The following CAMTA1 variants were observed in gnomAD, a reference collection of about 807,000 sequenced individuals.
The protein encoded by CAMTA1 is calmodulin-binding transcription activator 1.
In CAMTA1, 27 loss-of-function variants were observed where a neutral mutation model predicts 170.9. That is an observed-to-expected ratio of 0.16 (90% CI 0.12 to 0.22). CAMTA1 has a LOEUF of 0.22. Among genes scored for constraint, CAMTA1 ranks in the 10% least tolerant of loss-of-function variants. CAMTA1 has a pLI of 1.00. For missense variants in CAMTA1, 1,619 were observed against 2,217.2 expected, an observed-to-expected ratio of 0.73 and a Z score of 5.42; for synonymous variants, 833 against 891.5, an observed-to-expected ratio of 0.93 and a Z score of 1.17.
chr1:7,292,857 G>C (rs953210851), intron 5 of CAMTA1, among the ~76,000 whole-genome samples: 5 of 152,126 alleles, frequency 3.3e-5, no homozygotes, highest in Non-Finnish European at 7.4e-5. Context: ...CCCATGCCAC[G>C]TGTTTCCTGC....
chr1:6,946,984 T>C (rs991513002), intron 3 of CAMTA1, among the ~76,000 whole-genome samples: 9 of 152,064 alleles, frequency 5.9e-5, no homozygotes, highest in Non-Finnish European at 1.3e-4. Context: ...AGTTAATTTT[T>C]GTATACAGTG....
intron 22 of CAMTA1, among the ~76,000 whole-genome samples, chr1:7,759,270 G>T (rs566436541): frequency 2.6e-5 from 4 of 152,204 alleles, no homozygotes; most frequent in Non-Finnish European, 4.4e-5. Flanking sequence ...AGCAGGGGGA[G>T]ATCTAAAAAG....
intron 6 of CAMTA1, among the ~76,000 whole-genome samples, chr1:7,543,475 A>G (rs1198540254): frequency 1.3e-5 from 2 of 152,280 alleles, no homozygotes; most frequent in East Asian, 1.9e-4. Context: ...TAGTATATCG[A>G]CTTTGGAAAC....
intron 4 of CAMTA1, among the ~76,000 whole-genome samples, chr1:7,133,059 A>G (rs1187241587): frequency 6.6e-6 from 1 of 152,112 alleles, no homozygotes. Flanking sequence ...CTTTCCTTAT[A>G]ACATCTTAGT....
intron 3 of CAMTA1, among the ~76,000 whole-genome samples, chr1:6,885,223 A>G (rs1404376838): frequency 6.6e-6 from 1 of 152,174 alleles, no homozygotes; most frequent in Non-Finnish European, 1.5e-5. Context: ...ATTTTATGAT[A>G]CCTCTTGTAA....
chr1:7,047,152 G>A (rs536542056), intron 3 of CAMTA1, among the ~76,000 whole-genome samples: 1 of 152,292 alleles, frequency 6.6e-6, no homozygotes, highest in Admixed American at 6.5e-5. Context: ...GTGACTACAT[G>A]GAGTGGAGTC....
intron 5 of CAMTA1, among the ~76,000 whole-genome samples, chr1:7,448,879 G>A (rs115859919): frequency 4.3e-4 from 65 of 152,350 alleles, no homozygotes; most frequent in African/African-American, 1.5e-3. Flanking sequence ...GACATTGCAG[G>A]CCCCTCTGTG....
chr1:7,148,523 C>T (rs1646378390), intron 4 of CAMTA1, among the ~76,000 whole-genome samples: 3 of 152,292 alleles, frequency 2.0e-5, no homozygotes, highest in African/African-American at 7.2e-5. Flanking sequence ...CCCCATCCTG[C>T]TGACTTGCCA....
At position 6,785,519 on chromosome 1, in the gene CAMTA1, AG is replaced by A. The variant is rs1557530666; in HGVS notation, c.-10del. On this transcript the variant is annotated 5_prime_UTR_variant, in exon 1 of 23. Transcript: ENST00000303635. ...GCGCGCGCTCGGGGTCCCGGTCGCG[AG>A]GAGGAGGAGGATGTGGCGCGCGGAG... 1.0e-6 allele frequency: 1 copy of A among 992,008 alleles called. No individual in the cohort carries two copies. The allele number at this position is 992,008 out of a possible 1,614,324, so 61.5% of individuals were successfully genotyped here.
rs114779838 is a variant in CAMTA1 at position 6,836,476 on chromosome 1, T to G, written c.234+11266T>G. ...GCGAAGGGGGTAGACTTGAAAAAATTGTAAAATGGCGAGAACCTGGAATTT... is the reference window on the plus strand; with the variant it reads ...GCGAAGGGGGTAGACTTGAAAAAATGGTAAAATGGCGAGAACCTGGAATTT... On this transcript the variant is annotated intron_variant, in intron 3 of 22. Transcript: ENST00000303635. Among the ~76,000 whole-genome samples the G allele has an allele frequency of 4.5e-3, 682 of 152,234 alleles. 8 individuals are homozygous for G. Among genetic ancestry groups the G allele is most frequent in the African/African-American group, 0.016 (666 of 41,526 alleles).
intron 7 of CAMTA1, among the ~76,000 whole-genome samples, chr1:7,649,366 G>A (rs1046717048): frequency 2.0e-5 from 3 of 152,206 alleles, no homozygotes; most frequent in African/African-American, 4.8e-5. Context: ...ATAGCGCTGG[G>A]GGTTCCTGGA....
intron 5 of CAMTA1, among the ~76,000 whole-genome samples, chr1:7,335,507 C>A (rs1057332693): frequency 1.6e-4 from 24 of 152,162 alleles, no homozygotes; most frequent in Non-Finnish European, 1.5e-5. Context: ...CCGCCTGATG[C>A]CCTGGAGCTG....
At chr1:7,103,925 CACA>C (rs1227404684) in intron 4 of CAMTA1, among the ~76,000 whole-genome samples, 11 of 146,970 alleles carry the variant, frequency 7.5e-5, no homozygotes, top group South Asian at 2.2e-4. Flanking sequence ...CACACATACA[CACA>C]ACTACACACA....
chr1:7,281,797 A>G (rs978877380), intron 5 of CAMTA1, among the ~76,000 whole-genome samples: 1 of 126,660 alleles, frequency 7.9e-6, no homozygotes, highest in African/African-American at 2.9e-5. Flanking sequence ...AGGGGAAAGA[A>G]ATTGTGTGTG....
intron 6 of CAMTA1, among the ~76,000 whole-genome samples, chr1:7,553,224 TGAATGAGGGAATGAATGAATGAGG>T (rs1267778141): frequency 7.7e-5 from 1 of 12,920 alleles, no homozygotes; most frequent in Non-Finnish European, 1.6e-4. Context: ...AGTGAGTGAA[TGAATGAGGGAATGAATGAATGAGG>T]GAATGAATGA....
chr1:6,966,276 C>CCG (rs1691525739), intron 3 of CAMTA1, among the ~76,000 whole-genome samples: 2 of 152,144 alleles, frequency 1.3e-5, no homozygotes, highest in Non-Finnish European at 2.9e-5. Flanking sequence ...AACCATTGCC[C>CCG]CAGTCTATTT....
intron 5 of CAMTA1, chr1:7,370,119 C>T (rs1228729611): frequency 6.6e-6 from 1 of 152,572 alleles, no homozygotes; most frequent in Non-Finnish European, 1.5e-5. Context: ...CACAGCCTCT[C>T]CAGCACCCAG....
At chr1:7,225,174 T>G (rs1207952423) in intron 4 of CAMTA1, among the ~76,000 whole-genome samples, 12 of 152,078 alleles carry the variant, frequency 7.9e-5, no homozygotes, top group Admixed American at 3.9e-4. Flanking sequence ...AAGCTCTGCC[T>G]CCCGGGCTCA....
rs561329012 is a variant in CAMTA1 at position 7,670,522 on chromosome 1, G to T, written c.2653-389G>T. Among the ~76,000 whole-genome samples, 4 of 152,320 alleles carry T rather than the reference G, an allele frequency of 2.6e-5. No individual in the cohort carries two copies. The South Asian group carries it at 8.3e-4, about 32-fold the overall frequency. On this transcript the variant is annotated intron_variant, in intron 9 of 22. Transcript: ENST00000303635. ...TCAGTCTGTCCACAAGTGAATGACG[G>T]AGCAAGTCCCCTCCCTGCCCTCGGC... is the stretch of plus-strand genomic sequence containing the variant.
Sources: allele counts gnomAD v4.1 joint callset (sites outside exome capture counted in the v4.1 genomes callset), GRCh38; gene constraint gnomAD v4.1.1; transcripts MANE v1.5; gene names NCBI Gene and HGNC (gene_info 2026-07-23, HGNC 2026-07-21).